The following PRKG2 variants were observed in gnomAD, a reference collection of about 807,000 sequenced individuals.
The protein encoded by PRKG2 is cGMP-dependent protein kinase 2.
Under a neutral mutation model 97.2 loss-of-function variants are expected in PRKG2, and 33 were observed. The ratio of observed to expected loss-of-function variants is 0.34; its 90% confidence interval spans 0.26 to 0.45. The LOEUF is 0.45. Among genes scored for constraint, PRKG2 ranks in the 20% least tolerant of loss-of-function variants. The pLI is 1.00. For synonymous variants in PRKG2, 330 were observed against 321.8 expected, an observed-to-expected ratio of 1.03 and a Z score of -0.27; for missense variants, 638 against 900.0, an observed-to-expected ratio of 0.71 and a Z score of 3.73.
chr4:81,146,451 T>C (rs761157824), intron 9 of PRKG2, among the ~76,000 whole-genome samples: 1 of 152,176 alleles, frequency 6.6e-6, no homozygotes, highest in Non-Finnish European at 1.5e-5. Flanking sequence ...TTAGAGCTCT[T>C]GCCATACAAA....
Position 81,093,298 on chromosome 4 carries a change from A to G in PRKG2, c.2127-846T>C, listed in dbSNP as rs189075912. The stretch of plus-strand genomic sequence containing the variant: ...TCTCAACACCTTCATGTCTTTTCTC[A>G]AAGTTCATCTCAGTGAGATCTTCCT... On this transcript the variant is annotated intron_variant, in intron 17 of 18. Transcript: ENST00000264399. Among the ~76,000 whole-genome samples the G allele has an allele frequency of 1.0e-3, 152 of 151,206 alleles. 1 individual carries two copies. The highest frequency in any genetic ancestry group is 3.3e-3 in the African/African-American group (134 of 41,082).
chr4:81,113,657 TAA>T (rs1744204229), intron 14 of PRKG2, among the ~76,000 whole-genome samples: 1 of 152,180 alleles, frequency 6.6e-6, no homozygotes, highest in Admixed American at 6.5e-5. Flanking sequence ...TCTGGGTCAG[TAA>T]ATTTGTCAGA....
At chr4:81,203,711 C>T (rs1753459341) in intron 2 of PRKG2, among the ~76,000 whole-genome samples, 1 of 151,366 alleles carries the variant, frequency 6.6e-6, no homozygotes, top group Non-Finnish European at 1.5e-5. Flanking sequence ...GAAATGCATA[C>T]ACACACATGT....
chr4:81,134,021 T>C (rs1232219088), intron 14 of PRKG2, among the ~76,000 whole-genome samples: 5 of 152,184 alleles, frequency 3.3e-5, no homozygotes, highest in Admixed American at 2.6e-4. Flanking sequence ...ACAGAAGTGA[T>C]TGGGGTCCTG....
At chr4:81,198,285 A>G (rs1753087897) in intron 2 of PRKG2, among the ~76,000 whole-genome samples, 4 of 151,054 alleles carry the variant, frequency 2.6e-5, no homozygotes, top group Admixed American at 1.3e-4. Flanking sequence ...GAGTGAGCAG[A>G]GCCCAGAGCT....
At chr4:81,128,076 C>T (rs572230486) in intron 14 of PRKG2, among the ~76,000 whole-genome samples, 1 of 152,164 alleles carries the variant, frequency 6.6e-6, no homozygotes, top group African/African-American at 2.4e-5. Flanking sequence ...TTTTCTGCAT[C>T]TATTGAGATA....
chr4:81,111,300 C>T (rs1743918058), intron 14 of PRKG2, among the ~76,000 whole-genome samples: 1 of 152,108 alleles, frequency 6.6e-6, no homozygotes, highest in Admixed American at 6.6e-5. Context: ...GGAAAACATA[C>T]ATTCAGCACC....
intron 2 of PRKG2, among the ~76,000 whole-genome samples, chr4:81,203,248 G>C (rs1753428089): frequency 6.6e-6 from 1 of 151,920 alleles, no homozygotes; most frequent in African/African-American, 2.4e-5. Context: ...GAAATTTTTA[G>C]ACTAATAAAA....
chr4:81,126,988 G>GT (rs1745656043), intron 14 of PRKG2, among the ~76,000 whole-genome samples: 1 of 152,142 alleles, frequency 6.6e-6, no homozygotes, highest in African/African-American at 2.4e-5. Context: ...TCCTTCTAGG[G>GT]TTTTTATGGT....
intron 14 of PRKG2, among the ~76,000 whole-genome samples, chr4:81,131,897 C>G (rs1001202456): frequency 6.6e-5 from 10 of 151,814 alleles, no homozygotes; most frequent in Non-Finnish European, 1.5e-4. Context: ...TGTTCTTTTT[C>G]AAAGTGTTTA....
At chr4:81,198,731 CTCA>C (rs2110122593) in intron 2 of PRKG2, among the ~76,000 whole-genome samples, 1 of 152,248 alleles carries the variant, frequency 6.6e-6, no homozygotes, top group South Asian at 2.1e-4. Flanking sequence ...AAACTGATGC[CTCA>C]TTAGGCAAGT....
rs982988482 is a variant in PRKG2 at position 81,087,468 on chromosome 4, T to A, written c.*2240A>T. ...CAATTCTGCATACAGATACCAATGATACATAAGATTCAGGACTAAATGGTT... is the reference window on the plus strand; with the variant it reads ...CAATTCTGCATACAGATACCAATGAAACATAAGATTCAGGACTAAATGGTT... On this transcript the variant is annotated 3_prime_UTR_variant, in exon 19 of 19. Coordinates refer to ENST00000264399, the MANE Select transcript of PRKG2 (RefSeq NM_006259.3). The A allele has an allele frequency of 2.0e-5, 3 of 152,054 alleles. No individual in the cohort carries two copies. The highest frequency in any genetic ancestry group is 7.2e-5 in the African/African-American group (3 of 41,440). The allele number at this position is 152,054 out of a possible 1,614,324, so 9.4% of individuals were successfully genotyped here.
chr4:81,205,199 G>T, intron 1 of PRKG2, 139 bp from the exon 2 acceptor site: 58 of 533,216 alleles, frequency 1.1e-4, no homozygotes, highest in South Asian at 3.1e-4. Flanking sequence ...ACTTCCCGAA[G>T]TTTCCAGAAA....
Position 81,127,101 on chromosome 4 carries a change from C to T in PRKG2, c.1776+8054G>A, listed in dbSNP as rs182834101. On this transcript the variant is annotated intron_variant, in intron 14 of 18. Transcript: ENST00000264399. Reference sequence around the variant, plus strand: ...CTGCATATGACTAGCCAGTTTTTCCCGACACCATTTATTGATTAGGGAATC... The same window carrying T: ...CTGCATATGACTAGCCAGTTTTTCCTGACACCATTTATTGATTAGGGAATC... 6.6e-5 allele frequency among the ~76,000 whole-genome samples: 10 copies of T among 152,248 alleles called. No homozygotes were observed. In the East Asian group the frequency reaches 9.6e-4, roughly 15 times the overall value.
intron 2 of PRKG2, among the ~76,000 whole-genome samples, chr4:81,202,236 T>C (rs1753361107): frequency 6.6e-6 from 1 of 152,220 alleles, no homozygotes; most frequent in Admixed American, 6.5e-5. Context: ...CTTTTGGCTT[T>C]TATCCAATAC....
chr4:81,208,773 C>A (rs1409254018), intron 1 of PRKG2, among the ~76,000 whole-genome samples: 1 of 152,066 alleles, frequency 6.6e-6, no homozygotes, highest in Non-Finnish European at 1.5e-5. Context: ...TGGATTCTAT[C>A]TTCCATTGAG....
At chr4:81,208,176 T>G (rs1753780439) in intron 1 of PRKG2, among the ~76,000 whole-genome samples, 1 of 152,200 alleles carries the variant, frequency 6.6e-6, no homozygotes, top group African/African-American at 2.4e-5. Context: ...CTTTGAGTCT[T>G]ACTTTCTCAT....
At chr4:81,174,471 C>G (rs752873192) in intron 3 of PRKG2, among the ~76,000 whole-genome samples, 8 of 151,968 alleles carry the variant, frequency 5.3e-5, no homozygotes, top group Non-Finnish European at 1.2e-4. Flanking sequence ...TGGCGTTACC[C>G]TCTCTGAGAC....
At chr4:81,124,076 A>T (rs568810562) in intron 14 of PRKG2, among the ~76,000 whole-genome samples, 58 of 152,288 alleles carry the variant, frequency 3.8e-4, no homozygotes, top group Middle Eastern at 6.8e-3. Flanking sequence ...ATCCTTCATC[A>T]GGGATCATTT....
Sources: gnomAD v4.1 joint callset for allele counts (sites outside exome capture counted in the v4.1 genomes callset) on GRCh38, gnomAD v4.1.1 for gene constraint, MANE v1.5 for transcripts, NCBI Gene and HGNC (gene_info 2026-07-23, HGNC 2026-07-21) for gene names.